Variants in HSPA12A observed in about 807,000 individuals in gnomAD.
HSPA12A encodes heat shock 70 kDa protein 12A.
HSPA12A carries 28 observed loss-of-function variants against 69.2 expected under a neutral mutation model. The ratio of observed to expected loss-of-function variants is 0.40; its 90% confidence interval spans 0.30 to 0.55. HSPA12A has a LOEUF of 0.55. Among genes scored for constraint, HSPA12A ranks in the 20% least tolerant of loss-of-function variants. The pLI, the probability that HSPA12A is intolerant of heterozygous loss-of-function variation, is 0.38. For synonymous variants in HSPA12A, 345 were observed against 370.5 expected, an observed-to-expected ratio of 0.93 and a Z score of 0.79; for missense variants, 686 against 900.7, an observed-to-expected ratio of 0.76 and a Z score of 3.05.
chr10:116,734,947 G>A (rs529861309), intron 1 of HSPA12A, among the ~76,000 whole-genome samples: 178 of 152,196 alleles, frequency 1.2e-3, no homozygotes, highest in Non-Finnish European at 2.1e-3. Flanking sequence ...AGCCGAGATC[G>A]AGCCGCTGCA....
At chr10:116,790,426 C>A (rs778491351) in intron 2 of HSPA12A, among the ~76,000 whole-genome samples, 1 of 152,018 alleles carries the variant, frequency 6.6e-6, no homozygotes, top group South Asian at 2.1e-4. Context: ...TCTAACCTCA[C>A]GTCTCCCTCC....
At chr10:116,848,495 G>A (rs1049857900) in intron 1 of HSPA12A, among the ~76,000 whole-genome samples, 1 of 152,200 alleles carries the variant, frequency 6.6e-6, no homozygotes, top group African/African-American at 2.4e-5. Flanking sequence ...GTTTTCCAGA[G>A]GGGGGAAAGT....
At chr10:116,682,458 G>GGGC (rs1190162776) in intron 7 of HSPA12A, among the ~76,000 whole-genome samples, 6 of 151,368 alleles carry the variant, frequency 4.0e-5, no homozygotes, top group African/African-American at 1.5e-4. Flanking sequence ...AATAGACTGG[G>GGGC]GGGGGGGGCC....
At chr10:116,845,256 T>TAA (rs1395981507) in intron 1 of HSPA12A, among the ~76,000 whole-genome samples, 1 of 152,216 alleles carries the variant, frequency 6.6e-6, no homozygotes. Context: ...TTATTATATA[T>TAA]AACTACTATT....
At chr10:116,765,596 G>A (rs1564812090) in intron 2 of HSPA12A, among the ~76,000 whole-genome samples, 1 of 152,138 alleles carries the variant, frequency 6.6e-6, no homozygotes, top group Admixed American at 6.5e-5. Flanking sequence ...ATTTTTAGAG[G>A]TACATGAGTG....
At chr10:116,798,490 T>C (rs1181259673) in intron 2 of HSPA12A, among the ~76,000 whole-genome samples, 2 of 152,110 alleles carry the variant, frequency 1.3e-5, no homozygotes, top group Admixed American at 6.5e-5. Flanking sequence ...TGAGTTTCAG[T>C]AGCATAGCAC....
At position 116,674,523 on chromosome 10, in the gene HSPA12A, T is replaced by C. The variant is rs1849168143; in HGVS notation, c.*258A>G. 1.9e-6 allele frequency: 1 copy of C among 521,670 alleles called. No individual in the cohort carries two copies. The highest frequency in any genetic ancestry group is 2.3e-5 in the South Asian group (1 of 42,834). The allele number at this position is 521,670 out of a possible 1,614,324, so 32.3% of individuals were successfully genotyped here. Reference sequence around the variant, plus strand: ...CTTCTCCGTGGCCATTTCACCACTTTTGTACCTATGAAAACTAGCTGCTCC... The same window carrying C: ...CTTCTCCGTGGCCATTTCACCACTTCTGTACCTATGAAAACTAGCTGCTCC... On this transcript the variant is annotated 3_prime_UTR_variant, in exon 12 of 12. Transcript: ENST00000369209.
intron 2 of HSPA12A, among the ~76,000 whole-genome samples, chr10:116,773,070 G>A (rs556759290): frequency 2.6e-5 from 4 of 152,154 alleles, no homozygotes; most frequent in African/African-American, 9.7e-5. Flanking sequence ...CTAAAAGTCT[G>A]GGTGAGCCAG....
At chr10:116,713,990 T>A (rs1467862921) in intron 1 of HSPA12A, among the ~76,000 whole-genome samples, 1 of 151,014 alleles carries the variant, frequency 6.6e-6, no homozygotes, top group East Asian at 2.0e-4. Context: ...AAGCACTCAA[T>A]GTTGGATGGA....
rs573527294 is a variant in HSPA12A, at chr10:116,686,300, C to T, written c.664-2338G>A. On this transcript the variant is annotated intron_variant, in intron 6 of 11. Coordinates refer to ENST00000369209, the MANE Select transcript of HSPA12A (RefSeq NM_025015.3). This position sits in a 1 kb window ranked among gnomAD's most constrained non-coding sequence, Gnocchi z 4.1. ...CAAATAAGACCAAGAGGGGCCCCTT[C>T]CGAGGGACAGCTCCTGTGCTGATTC... Among the ~76,000 whole-genome samples the T allele has an allele frequency of 8.5e-5, 13 of 152,234 alleles. No individual in the cohort carries two copies. The highest frequency in any genetic ancestry group is 1.3e-4 in the Non-Finnish European group (9 of 68,002).
intron 5 of HSPA12A, among the ~76,000 whole-genome samples, chr10:116,694,909 T>C (rs1156909319): frequency 1.3e-5 from 2 of 152,170 alleles, no homozygotes; most frequent in Non-Finnish European, 2.9e-5. Context: ...TGTCTCTGAC[T>C]GTGGTCACCT....
intron 2 of HSPA12A, among the ~76,000 whole-genome samples, chr10:116,762,292 C>T (rs562139545): frequency 6.6e-6 from 1 of 152,368 alleles, no homozygotes; most frequent in East Asian, 1.9e-4. Context: ...CAGTTCATCT[C>T]CCTGCCTCTG....
intron 10 of HSPA12A, 66 bp downstream of exon 10, chr10:116,679,437 C>A (rs1849337461): frequency 6.3e-7 from 1 of 1,583,834 alleles, no homozygotes; most frequent in African/African-American, 1.3e-5. Flanking sequence ...CACTTCGCTC[C>A]TCTCTCCCAT....
intron 2 of HSPA12A, among the ~76,000 whole-genome samples, chr10:116,762,113 C>T (rs1843985878): frequency 6.6e-6 from 1 of 152,214 alleles, no homozygotes; most frequent in African/African-American, 2.4e-5. Context: ...ACAGCGTGGC[C>T]CTTGTCCTCA....
chr10:116,704,553 A>T (rs1378540492), intron 3 of HSPA12A, among the ~76,000 whole-genome samples: 1 of 152,178 alleles, frequency 6.6e-6, no homozygotes, highest in Non-Finnish European at 1.5e-5. Flanking sequence ...TGGCACATGT[A>T]TACATATGTA....
At chr10:116,757,571 G>T (rs1302535327) in intron 2 of HSPA12A, among the ~76,000 whole-genome samples, 1 of 152,202 alleles carries the variant, frequency 6.6e-6, no homozygotes. Context: ...AAATCACCTG[G>T]AGACAGAATG....
chr10:116,692,555 T>C, intron 5 of HSPA12A, 88 bp from the exon 6 acceptor site: 1 of 959,946 alleles, frequency 1.0e-6, no homozygotes, highest in Non-Finnish European at 1.6e-6. Context: ...CCAGGCTTCC[T>C]GCCATGAGCT....
intron 2 of HSPA12A, among the ~76,000 whole-genome samples, chr10:116,825,130 C>T (rs889123663): frequency 2.0e-5 from 3 of 149,356 alleles, no homozygotes; most frequent in Admixed American, 6.7e-5. Context: ...GAAGCTGCAG[C>T]GAGCTGTGAT....
chr10:116,725,261 A>G (rs1850916797), intron 1 of HSPA12A, among the ~76,000 whole-genome samples: 1 of 152,158 alleles, frequency 6.6e-6, no homozygotes, highest in Middle Eastern at 3.2e-3. Flanking sequence ...GCCTGAAGTG[A>G]GCCAGCCTGT....
Sources: gnomAD v4.1 joint callset for allele counts (sites outside exome capture counted in the v4.1 genomes callset) on GRCh38, gnomAD v4.1.1 for gene constraint, Gnocchi (gnomAD v3.1) non-coding constraint, MANE v1.5 for transcripts, NCBI Gene and HGNC (gene_info 2026-07-23, HGNC 2026-07-21) for gene names.